Variants in GREB1 observed in about 807,000 individuals in gnomAD.
The protein encoded by GREB1 is protein GREB1.
A neutral mutation model predicts 200.7 loss-of-function variants in GREB1; 106 were observed. The observed-to-expected ratio is 0.53, with a 90% CI of 0.45 to 0.62. The LOEUF (loss-of-function observed/expected upper bound fraction) is 0.62, where lower values mean the gene tolerates loss of function less well. Ranked by LOEUF, GREB1 falls within the 20% of genes least tolerant of loss-of-function variation. The pLI, the probability that GREB1 is intolerant of heterozygous loss-of-function variation, is 0.00. For missense variants in GREB1, 2,243 were observed against 2,556.8 expected, an observed-to-expected ratio of 0.88 and a Z score of 2.65; for synonymous variants, 1,132 against 1,092.4, an observed-to-expected ratio of 1.04 and a Z score of -0.72.
chr2:11,526,681 G>C (rs189818761), intron 1 of GREB1, among the ~76,000 whole-genome samples: 1 of 151,282 alleles, frequency 6.6e-6, no homozygotes, highest in African/African-American at 2.4e-5. Context: ...TCAGCCTCTC[G>C]AGCAGCTGGG....
chr2:11,500,756 T>G (rs1422030954), intron 1 of GREB1, among the ~76,000 whole-genome samples: 1 of 152,186 alleles, frequency 6.6e-6, no homozygotes, highest in Admixed American at 6.5e-5. Context: ...CCACAGAGCT[T>G]TACTCAGTTT....
In GREB1 at chr2:11,618,739, G is replaced by A. The variant is rs369695329; in HGVS notation, c.3864G>A (p.Ser1288=). Residue 1288 remains serine (S), a synonymous_variant, in exon 22 of 33, where the codon TCG becomes TCA. Coordinates refer to ENST00000381486, the MANE Select transcript of GREB1 (RefSeq NM_014668.4). ...PKAASLLPSP[S]VMWASSFRPL... ...CCGCCTCCCTCCTGCCCTCCCCCTCGGTCATGTGGGCCAGCTCTTTCCGCC... is the reference window on the plus strand; with the variant it reads ...CCGCCTCCCTCCTGCCCTCCCCCTCAGTCATGTGGGCCAGCTCTTTCCGCC... The A allele has an allele frequency of 3.8e-5, 62 of 1,613,174 alleles. No homozygotes were observed. Among genetic ancestry groups the A allele is most frequent in the South Asian group, 1.9e-4 (17 of 91,002 alleles).
intron 17 of GREB1, among the ~76,000 whole-genome samples, chr2:11,609,282 A>ATTTG (rs1682703752): frequency 6.6e-6 from 1 of 150,526 alleles, no homozygotes; most frequent in African/African-American, 2.4e-5. Flanking sequence ...TTATTTATTT[A>ATTTG]GAGATGGAGT....
At chr2:11,538,772 CTTCCCGT>C (rs1380113504) in intron 1 of GREB1, among the ~76,000 whole-genome samples, 670 of 30,368 alleles carry the variant, frequency 0.022, 83 homozygotes, top group African/African-American at 0.041. Flanking sequence ...TCCTTCCTTC[CTTCCCGT>C]CTTCCTTCCT....
chr2:11,631,187 G>A (rs1437771385), intron 26 of GREB1, among the ~76,000 whole-genome samples: 2 of 152,182 alleles, frequency 1.3e-5, no homozygotes, highest in Non-Finnish European at 2.9e-5. Flanking sequence ...GTGCTCTGAG[G>A]AATTCAGAGG....
At chr2:11,519,541 T>C (rs1673635689) in intron 1 of GREB1, among the ~76,000 whole-genome samples, 1 of 136,684 alleles carries the variant, frequency 7.3e-6, no homozygotes, top group Non-Finnish European at 1.5e-5. Flanking sequence ...CTGCAACCTC[T>C]ACCTCCCGGG....
At chr2:11,600,023 C>G (rs1681641815) in intron 15 of GREB1, among the ~76,000 whole-genome samples, 1 of 152,154 alleles carries the variant, frequency 6.6e-6, no homozygotes, top group African/African-American at 2.4e-5. Flanking sequence ...GCTCCTGGGC[C>G]AGGTCGTGGA....
At position 11,642,025 on chromosome 2, in the gene GREB1, C is replaced by T. The variant is rs1572250303; in HGVS notation, c.*1571C>T. 1 of 152,320 alleles carries T rather than the reference C, an allele frequency of 6.6e-6. No individual in the cohort carries two copies. The highest frequency in any genetic ancestry group is 1.9e-4 in the East Asian group (1 of 5,188). 9.4% of individuals were successfully genotyped at this position (152,320 alleles called of 1,614,324 possible). ...TCTGCAGTCCAGGTCTCCCTTCTCC[C>T]ACTTGCCTACCCTCAATGCCACACT... is the stretch of plus-strand genomic sequence containing the variant. On this transcript the variant is annotated 3_prime_UTR_variant, in exon 33 of 33. Coordinates refer to ENST00000381486, the MANE Select transcript of GREB1 (RefSeq NM_014668.4).
chr2:11,589,514 A>T (rs1016190612), intron 10 of GREB1, among the ~76,000 whole-genome samples: 28 of 152,070 alleles, frequency 1.8e-4, no homozygotes, highest in Middle Eastern at 3.4e-3. Context: ...TGTGAGTGAG[A>T]GGTGTGGTCA....
At chr2:11,596,952 C>T (rs1185623049) in intron 13 of GREB1, among the ~76,000 whole-genome samples, 1 of 148,812 alleles carries the variant, frequency 6.7e-6, no homozygotes, top group Non-Finnish European at 1.5e-5. Context: ...AGGTGTGCAC[C>T]GTGAGAGTGG....
At chr2:11,598,430 TC>T (rs1466023046) in intron 14 of GREB1, among the ~76,000 whole-genome samples, 1 of 152,350 alleles carries the variant, frequency 6.6e-6, no homozygotes, top group East Asian at 1.9e-4. Context: ...ATCAGCTGCT[TC>T]ATGAAGCTGG....
intron 1 of GREB1, among the ~76,000 whole-genome samples, chr2:11,554,496 G>A (rs1355460545): frequency 6.6e-6 from 1 of 152,214 alleles, no homozygotes; most frequent in Non-Finnish European, 1.5e-5. Context: ...ACAAGGACGA[G>A]GGGAATTTAT....
chr2:11,623,566 T>A (rs1202254729), intron 23 of GREB1, among the ~76,000 whole-genome samples: 1 of 152,104 alleles, frequency 6.6e-6, no homozygotes, highest in Non-Finnish European at 1.5e-5. Context: ...TGGGCGAGTG[T>A]GTGTGTGTCT....
At chr2:11,497,667 G>GAT (rs1446422939) in intron 1 of GREB1, among the ~76,000 whole-genome samples, 6 of 152,144 alleles carry the variant, frequency 3.9e-5, no homozygotes, top group African/African-American at 1.4e-4. Context: ...TAGCTGTTAT[G>GAT]ATAGATGCAT....
intron 1 of GREB1, among the ~76,000 whole-genome samples, chr2:11,511,268 G>A (rs1673342783): frequency 6.6e-6 from 1 of 152,128 alleles, no homozygotes; most frequent in South Asian, 2.1e-4. Context: ...TTTTTCGGGT[G>A]CTACACAATC....
intron 1 of GREB1, among the ~76,000 whole-genome samples, chr2:11,545,615 C>A (rs1675202098): frequency 6.6e-6 from 1 of 152,210 alleles, no homozygotes; most frequent in African/African-American, 2.4e-5. Context: ...TCCAATGAAT[C>A]TTTGCTTTCA....
chr2:11,640,550 G>A lies in GREB1; in HGVS notation c.*96G>A, dbSNP rs116203897. ...CCTGGAACGGTGGGGCGTTTGACTGGAATGGACCCCAGGGACTGTCCAGGT... is the reference window on the plus strand; with the variant it reads ...CCTGGAACGGTGGGGCGTTTGACTGAAATGGACCCCAGGGACTGTCCAGGT... On this transcript the variant is annotated 3_prime_UTR_variant, in exon 33 of 33. Coordinates refer to ENST00000381486, the MANE Select transcript of GREB1 (RefSeq NM_014668.4). The surrounding 1 kb of genome is among the most constrained non-coding windows in gnomAD (Gnocchi z 4.6). 3.1e-3 allele frequency: 4,374 copies of A among 1,401,386 alleles called. 89 individuals are homozygous for A. The African/African-American group carries it at 0.052, about 17-fold the overall frequency. The allele number at this position is 1,401,386 out of a possible 1,614,324, so 86.8% of individuals were successfully genotyped here.
chr2:11,555,847 CTACTT>C (rs1676381013), intron 1 of GREB1, among the ~76,000 whole-genome samples: 1 of 152,124 alleles, frequency 6.6e-6, no homozygotes, highest in Admixed American at 6.5e-5. Context: ...ATTGAGTTGT[CTACTT>C]TAAGTGGTAA....
intron 24 of GREB1, among the ~76,000 whole-genome samples, chr2:11,626,682 G>A (rs149379640): frequency 1.2e-3 from 184 of 152,292 alleles, no homozygotes; most frequent in African/African-American, 4.2e-3. Flanking sequence ...GTTGTATAGC[G>A]GATCTTTACA....
Sources: gnomAD v4.1 joint callset for allele counts (sites outside exome capture counted in the v4.1 genomes callset) on GRCh38, gnomAD v4.1.1 for gene constraint, Gnocchi (gnomAD v3.1) non-coding constraint, MANE v1.5 for transcripts, NCBI Gene and HGNC (gene_info 2026-07-23, HGNC 2026-07-21) for gene names.